The following PRKD2 variants were observed in gnomAD, a reference collection of about 807,000 sequenced individuals.
PRKD2 encodes the protein protein kinase D2, also known as serine/threonine-protein kinase D2.
In PRKD2, 22 loss-of-function variants were observed where a neutral mutation model predicts 86.0. That is an observed-to-expected ratio of 0.26 (90% confidence interval 0.18 to 0.37). The LOEUF is 0.37. Among genes scored for constraint, PRKD2 ranks in the 10% least tolerant of loss-of-function variants. The pLI is 1.00. For missense variants in PRKD2, 818 were observed against 1,199.2 expected (o/e 0.68, Z 4.70); for synonymous variants, 509 against 510.9 (o/e 1.00, Z 0.05).
At chr19:46,697,384 C>A in intron 8 of PRKD2, 150 bp from the exon 9 acceptor site, 1 of 620,880 alleles carries the variant, frequency 1.6e-6, no homozygotes, top group Non-Finnish European at 2.8e-6. Context: ...CACCCCACCA[C>A]ACGCCCTAAC....
At chr19:46,688,439 A>ATT (rs1232755987) in intron 14 of PRKD2, among the ~76,000 whole-genome samples, 12 of 133,750 alleles carry the variant, frequency 9.0e-5, no homozygotes, top group African/African-American at 2.3e-4. Flanking sequence ...TATTATTATT[A>ATT]TTATTTTTTT....
chr19:46,705,786 CAAA>C (rs113746036), intron 3 of PRKD2, among the ~76,000 whole-genome samples: 2 of 144,162 alleles, frequency 1.4e-5, no homozygotes, highest in African/African-American at 2.6e-5. Context: ...GACTCAGTTT[CAAA>C]AAAAAAAAAA....
rs1391616196 is a variant in PRKD2, at chr19:46,697,175, C to T, written c.1299G>A (p.Thr433=). Residue 433 remains threonine (T), a synonymous_variant, in exon 9 of 18, where the codon ACG becomes ACA. Coordinates refer to ENST00000291281, the MANE Select transcript of PRKD2 (RefSeq NM_016457.5). ...GGCTTACCTTATAGTATCTGTTGGT[C>T]GTGTTGTTCTGGAAGAGCGTGATAC... The part of the protein sequence containing the change: ...CKCITLFQNN[T]TNRYYKEIPL... 5.0e-6 allele frequency: 8 copies of T among 1,588,102 alleles called. No individual in the cohort carries two copies. The highest frequency in any genetic ancestry group is 5.0e-5 in the Admixed American group (3 of 59,944).
At chr19:46,688,094 C>T (rs1011949716) in intron 14 of PRKD2, among the ~76,000 whole-genome samples, 2 of 151,942 alleles carry the variant, frequency 1.3e-5, no homozygotes, top group South Asian at 2.1e-4. Context: ...CTCACTATGT[C>T]GCCTAGGCTG....
Position 46,678,814 on chromosome 19 carries a change from C to G in PRKD2, c.2071-151G>C, listed in dbSNP as rs2053252428. The G allele has an allele frequency of 1.2e-6, 1 of 867,990 alleles. No homozygotes were observed. The highest frequency in any genetic ancestry group is 1.8e-5 in the South Asian group (1 of 56,542). The allele number at this position is 867,990 out of a possible 1,614,324, so 53.8% of individuals were successfully genotyped here. Reference sequence around the variant, plus strand: ...GGCTCACTAGCTGAGCAACCCTGGGCAGGTGACTTCCCCCCTCTGTGCCTC... The same window carrying G: ...GGCTCACTAGCTGAGCAACCCTGGGGAGGTGACTTCCCCCCTCTGTGCCTC... On this transcript the variant is annotated intron_variant, in intron 15 of 17. Transcript: ENST00000291281. This position sits in a 1 kb window ranked among gnomAD's most constrained non-coding sequence, Gnocchi z 5.7.
intron 7 of PRKD2, among the ~76,000 whole-genome samples, chr19:46,699,547 G>A (rs752631490): frequency 2.0e-5 from 3 of 152,158 alleles, no homozygotes; most frequent in Admixed American, 6.6e-5. Context: ...GGAGGAAACC[G>A]TGGCACACAG....
chr19:46,694,580 G>C (rs1279300731), intron 9 of PRKD2, among the ~76,000 whole-genome samples: 1 of 152,124 alleles, frequency 6.6e-6, no homozygotes, highest in South Asian at 2.1e-4. Context: ...GGGCGACAGA[G>C]TGAGATTCCG....
In PRKD2 at chr19:46,697,138, T is replaced by C; in HGVS notation, c.1317+19A>G. On this transcript the variant is annotated intron_variant, in intron 9 of 17. Transcript: ENST00000291281. ...GGCACAGCGGGAAGTCCGAGGGAGC[T>C]GAAAGCCCGGAGGCTTACCTTATAG... 6.5e-7 allele frequency: 1 copy of C among 1,543,182 alleles called. No homozygotes were observed. The highest frequency in any genetic ancestry group is 9.0e-7 in the Non-Finnish European group (1 of 1,115,654).
rs1356152622 is a variant in PRKD2, at chr19:46,716,833, G to A, written c.-463C>T. 6.5e-6 allele frequency: 1 copy of A among 153,240 alleles called. No individual in the cohort carries two copies. The highest frequency in any genetic ancestry group is 6.5e-5 in the Admixed American group (1 of 15,278). The allele number at this position is 153,240 out of a possible 1,614,324, so 9.5% of individuals were successfully genotyped here. On this transcript the variant is annotated 5_prime_UTR_variant, in exon 1 of 18. Coordinates refer to ENST00000291281, the MANE Select transcript of PRKD2 (RefSeq NM_016457.5). This position sits in a 1 kb window ranked among gnomAD's most constrained non-coding sequence, Gnocchi z 7.9. ...AATTCACCTTGGGGGTGGAGGGCAG[G>A]AGTCTCTGAGTCGGGGACCGAGTGG...
rs933619137 is a variant in PRKD2 at position 46,694,017 on chromosome 19, C to T, written c.1434G>A (p.Val478=). The change falls in exon 10 of 18, where the codon GTG becomes GTA. Residue 478 remains valine, a synonymous_variant. Coordinates refer to ENST00000291281, the MANE Select transcript of PRKD2 (RefSeq NM_016457.5). ...CCGGAGTCCCGCCAGGCATCTCGCC[C>T]ACGAAGTAGGTGGCATTGGCAGTGA... ...EIVTANATYF[V]GEMPGGTPGG... 1.2e-6 allele frequency: 2 copies of T among 1,614,102 alleles called. No homozygotes were observed. The highest frequency in any genetic ancestry group is 1.7e-6 in the Non-Finnish European group (2 of 1,180,044).
chr19:46,701,183 C>A (rs1599833118), intron 5 of PRKD2, 71 bp from the exon 6 acceptor site: 3 of 1,488,308 alleles, frequency 2.0e-6, no homozygotes, highest in Admixed American at 1.7e-5. Context: ...TGAACCTTGA[C>A]CCTAAGCCTC....
At chr19:46,694,398 C>T (rs1216221840) in intron 9 of PRKD2, among the ~76,000 whole-genome samples, 2 of 151,892 alleles carry the variant, frequency 1.3e-5, no homozygotes. Context: ...AGTTCGAGAC[C>T]AGCCTGGCCA....
chr19:46,696,150 T>C (rs1448628508), intron 9 of PRKD2, among the ~76,000 whole-genome samples: 3 of 152,026 alleles, frequency 2.0e-5, no homozygotes, highest in African/African-American at 7.2e-5. Context: ...AGGACAGCAT[T>C]TTAGATGGTG....
At chr19:46,691,885 G>A (rs1301710810) in intron 11 of PRKD2, 48 bp downstream of exon 11, 2 of 1,611,414 alleles carry the variant, frequency 1.2e-6, no homozygotes, top group Admixed American at 3.3e-5. Flanking sequence ...AGAGAGCTGA[G>A]GAGGGTTTGT....
At chr19:46,698,963 T>C (rs1000968167) in intron 7 of PRKD2, among the ~76,000 whole-genome samples, 1 of 152,058 alleles carries the variant, frequency 6.6e-6, no homozygotes, top group South Asian at 2.1e-4. Context: ...TTACTAGGCA[T>C]TCCCAGGAAA....
intron 3 of PRKD2, 101 bp downstream of exon 3, chr19:46,710,806 C>CCGCTCCTCCTCCCCA: frequency 7.7e-7 from 1 of 1,291,584 alleles, no homozygotes; most frequent in Non-Finnish European, 1.0e-6. Flanking sequence ...GCTCTGAGAC[C>CCGCTCCTCCTCCCCA]CGCTCCTCCT....
intron 9 of PRKD2, among the ~76,000 whole-genome samples, 194 bp downstream of exon 9, chr19:46,696,963 C>A (rs1326672352): frequency 6.6e-6 from 1 of 152,068 alleles, no homozygotes; most frequent in Non-Finnish European, 1.5e-5. Context: ...TGCCCGGAGT[C>A]CCCCTGGCTG....
At chr19:46,679,607 G>A (rs1325465993) in intron 15 of PRKD2, among the ~76,000 whole-genome samples, 4 of 152,086 alleles carry the variant, frequency 2.6e-5, no homozygotes, top group Admixed American at 6.6e-5. Flanking sequence ...ACAGTATGGT[G>A]TATGCCTACC....
At chr19:46,700,661 G>A (rs2053622366) in intron 7 of PRKD2, 138 bp downstream of exon 7, 1 of 1,156,114 alleles carries the variant, frequency 8.6e-7, no homozygotes, top group South Asian at 1.7e-5. Context: ...AAATTGTAGT[G>A]CTTTAAAAGG....
Sources: allele counts gnomAD v4.1 joint callset (sites outside exome capture counted in the v4.1 genomes callset), GRCh38; gene constraint gnomAD v4.1.1; non-coding constraint Gnocchi (gnomAD v3.1); transcripts MANE v1.5; gene names NCBI Gene and HGNC (gene_info 2026-07-23, HGNC 2026-07-21).